Variants in PPM1L observed in about 807,000 individuals in gnomAD.
The protein encoded by PPM1L is protein phosphatase, Mg2+/Mn2+ dependent 1L, also known as protein phosphatase 1L.
PPM1L carries 13 observed loss-of-function variants against 31.4 expected under a neutral mutation model. The observed-to-expected ratio is 0.41, with a 90% confidence interval of 0.27 to 0.66. PPM1L has a LOEUF of 0.66. Ranked by LOEUF, PPM1L falls within the 30% of genes least tolerant of loss-of-function variation. The pLI, the probability that PPM1L is intolerant of heterozygous loss-of-function variation, is 0.29. For synonymous variants in PPM1L, 184 were observed against 175.4 expected (o/e 1.05, Z -0.39); for missense variants, 326 against 453.7 (o/e 0.72, Z 2.56).
intron 1 of PPM1L, among the ~76,000 whole-genome samples, chr3:160,855,646 C>G (rs963680248): frequency 1.3e-5 from 2 of 152,118 alleles, no homozygotes; most frequent in African/African-American, 4.8e-5. Context: ...AGATACAAAT[C>G]AAAACCACAG....
chr3:160,954,324 C>G (rs1379587335), intron 1 of PPM1L, among the ~76,000 whole-genome samples: 1 of 152,044 alleles, frequency 6.6e-6, no homozygotes, highest in Non-Finnish European at 1.5e-5. Context: ...TTTAATTCAC[C>G]CTTTTTTTTT....
intron 1 of PPM1L, among the ~76,000 whole-genome samples, chr3:160,864,054 A>G (rs978831555): frequency 6.6e-6 from 1 of 152,224 alleles, no homozygotes; most frequent in Admixed American, 6.5e-5. Flanking sequence ...CATTACTCAG[A>G]ACATTTTATT....
chr3:160,970,958 T>G (rs1451875284), intron 2 of PPM1L, among the ~76,000 whole-genome samples: 1 of 151,836 alleles, frequency 6.6e-6, no homozygotes, highest in Non-Finnish European at 1.5e-5. Context: ...GCCCGGCTAA[T>G]TTTTTGTATT....
At chr3:160,973,783 T>G (rs909162862) in intron 2 of PPM1L, among the ~76,000 whole-genome samples, 2 of 102,086 alleles carry the variant, frequency 2.0e-5, no homozygotes, top group South Asian at 3.2e-4. Context: ...TTTTTTTTTT[T>G]TTTTTTTTTT....
chr3:160,940,243 G>C (rs6441342), intron 1 of PPM1L, among the ~76,000 whole-genome samples: 127,380 of 152,172 alleles, frequency 0.84, 53,743 homozygotes, highest in Middle Eastern at 0.92. Context: ...CAGAGCACAA[G>C]CATTTGGAAA....
intron 2 of PPM1L, among the ~76,000 whole-genome samples, chr3:160,980,712 A>AAAAAG (rs1553751950): frequency 4.1e-5 from 6 of 148,124 alleles, no homozygotes; most frequent in Non-Finnish European, 7.4e-5. Context: ...GAGAGAAAAA[A>AAAAAG]AAAGAGAGAG....
chr3:160,815,794 A>G (rs1004839756), intron 1 of PPM1L, among the ~76,000 whole-genome samples: 1 of 152,182 alleles, frequency 6.6e-6, no homozygotes, highest in Non-Finnish European at 1.5e-5. Flanking sequence ...GATTTTTGCC[A>G]ACATAAACCA....
intron 2 of PPM1L, among the ~76,000 whole-genome samples, chr3:161,042,329 G>A (rs1338400873): frequency 6.6e-6 from 1 of 152,212 alleles, no homozygotes; most frequent in African/African-American, 2.4e-5. Flanking sequence ...CCTGCTGAAT[G>A]AATGAATAAC....
chr3:161,025,013 C>T (rs562935569), intron 2 of PPM1L, among the ~76,000 whole-genome samples: 2 of 152,296 alleles, frequency 1.3e-5, no homozygotes, highest in South Asian at 4.1e-4. Flanking sequence ...TTGAAAGCTT[C>T]AGGCTAATTT....
chr3:160,865,498 G>T (rs1354321383), intron 1 of PPM1L, among the ~76,000 whole-genome samples: 2 of 152,128 alleles, frequency 1.3e-5, no homozygotes, highest in Non-Finnish European at 2.9e-5. Flanking sequence ...TTAGTTGGCC[G>T]TGCGTGGTGG....
intron 1 of PPM1L, among the ~76,000 whole-genome samples, chr3:160,760,988 C>T (rs1392850447): frequency 1.3e-5 from 2 of 152,182 alleles, no homozygotes; most frequent in African/African-American, 4.8e-5. Flanking sequence ...CTCAGCACTT[C>T]TCAGAAGCTC....
intron 1 of PPM1L, among the ~76,000 whole-genome samples, chr3:160,944,803 A>ATATATTATATATATTT (rs752118269): frequency 5.1e-5 from 3 of 59,254 alleles, no homozygotes; most frequent in Non-Finnish European, 1.1e-4. Context: ...TATATATAAC[A>ATATATTATATATATTT]TATATAACAT....
At chr3:160,784,446 T>C (rs537871798) in intron 1 of PPM1L, among the ~76,000 whole-genome samples, 1 of 152,136 alleles carries the variant, frequency 6.6e-6, no homozygotes, top group Non-Finnish European at 1.5e-5. Flanking sequence ...TGCAGAAAAC[T>C]GGAGCTTTAA....
chr3:160,910,234 C>T (rs1198586156), intron 1 of PPM1L, among the ~76,000 whole-genome samples: 80 of 86,190 alleles, frequency 9.3e-4, no homozygotes, highest in African/African-American at 3.6e-3. Flanking sequence ...TTCCTTTCCC[C>T]TTCCCCTTTC....
chr3:160,993,574 G>A (rs1717206814), intron 2 of PPM1L, among the ~76,000 whole-genome samples: 1 of 152,038 alleles, frequency 6.6e-6, no homozygotes, highest in South Asian at 2.1e-4. Context: ...GCTTGCATTG[G>A]GTGAATTGGG....
intron 1 of PPM1L, among the ~76,000 whole-genome samples, chr3:160,888,865 A>C (rs1713029285): frequency 6.6e-6 from 1 of 152,184 alleles, no homozygotes; most frequent in East Asian, 1.9e-4. Context: ...CTGCTTCTGA[A>C]TGACTCCTGG....
chr3:160,837,759 T>A (rs1713763117), intron 1 of PPM1L, among the ~76,000 whole-genome samples: 2 of 152,104 alleles, frequency 1.3e-5, no homozygotes, highest in South Asian at 4.1e-4. Flanking sequence ...GGAAAGCATG[T>A]TTAAGAGTAA....
At chr3:160,805,821 G>T (rs1712583270) in intron 1 of PPM1L, among the ~76,000 whole-genome samples, 1 of 152,146 alleles carries the variant, frequency 6.6e-6, no homozygotes, top group Admixed American at 6.5e-5. Flanking sequence ...CATACCTGTA[G>T]CCCATAGGCA....
At chr3:160,915,992 G>C (rs992135326) in intron 1 of PPM1L, among the ~76,000 whole-genome samples, 4 of 152,170 alleles carry the variant, frequency 2.6e-5, no homozygotes, top group African/African-American at 9.7e-5. Flanking sequence ...TCAGGACATA[G>C]GCATGGGCAA....
Sources: gnomAD v4.1 joint callset for allele counts (sites outside exome capture counted in the v4.1 genomes callset) on GRCh38, gnomAD v4.1.1 for gene constraint, MANE v1.5 for transcripts, NCBI Gene and HGNC (gene_info 2026-07-23, HGNC 2026-07-21) for gene names.